The following THSD4 variants were observed in gnomAD, a reference collection of about 807,000 sequenced individuals.
THSD4 encodes the protein thrombospondin type-1 domain-containing protein 4.
Under a neutral mutation model 119.0 loss-of-function variants are expected in THSD4, and 69 were observed. The observed-to-expected ratio is 0.58, with a 90% CI of 0.48 to 0.71. THSD4 has a LOEUF of 0.71. Among genes scored for constraint, THSD4 ranks in the 30% least tolerant of loss-of-function variants. The probability of loss-of-function intolerance (pLI) is 0.00; values close to 1 mark genes in which losing one functional copy is unlikely to be tolerated. For missense variants in THSD4, 1,393 were observed against 1,391.1 expected (o/e 1.00, Z -0.02); for synonymous variants, 524 against 540.4 (o/e 0.97, Z 0.42).
At chr15:71,762,925 G>A (rs931206911) in intron 15 of THSD4, among the ~76,000 whole-genome samples, 3 of 152,072 alleles carry the variant, frequency 2.0e-5, no homozygotes, top group Non-Finnish European at 4.4e-5. Flanking sequence ...ACAAAAATTA[G>A]CCAAGCATAG....
At chr15:71,310,800 A>AAG (rs1304569211) in intron 6 of THSD4, among the ~76,000 whole-genome samples, 3 of 152,150 alleles carry the variant, frequency 2.0e-5, no homozygotes, top group African/African-American at 7.2e-5. Flanking sequence ...CACCTGGGAG[A>AAG]AGAGGGATTC....
intron 7 of THSD4, among the ~76,000 whole-genome samples, chr15:71,458,095 A>G (rs550419545): frequency 3.9e-5 from 6 of 152,356 alleles, no homozygotes; most frequent in Admixed American, 1.3e-4. Context: ...ATCTATATGC[A>G]TTGCATATTT....
chr15:71,212,339 A>C (rs185363079), intron 3 of THSD4, among the ~76,000 whole-genome samples: 3 of 152,198 alleles, frequency 2.0e-5, no homozygotes, highest in Non-Finnish European at 4.4e-5. Context: ...ATTATTATGA[A>C]TAGAATAGGA....
At chr15:71,411,937 C>T in intron 7 of THSD4, 114 bp downstream of exon 7, 1 of 1,395,466 alleles carries the variant, frequency 7.2e-7, no homozygotes, top group South Asian at 1.3e-5. Context: ...ACGTCAGGGC[C>T]ACTCAACCAT....
At chr15:71,570,858 A>G (rs2049338420) in intron 7 of THSD4, among the ~76,000 whole-genome samples, 1 of 152,128 alleles carries the variant, frequency 6.6e-6, no homozygotes, top group Admixed American at 6.5e-5. Context: ...CAGCCTGTTC[A>G]TCTCTGGGTG....
At chr15:71,263,085 ATTAG>A (rs896007660) in intron 6 of THSD4, among the ~76,000 whole-genome samples, 54 of 151,990 alleles carry the variant, frequency 3.6e-4, no homozygotes, top group African/African-American at 1.1e-3. Flanking sequence ...TTAGTAATCC[ATTAG>A]TTATTTTTCC....
At chr15:71,561,919 CAA>C (rs746183019) in intron 7 of THSD4, among the ~76,000 whole-genome samples, 75 of 30,790 alleles carry the variant, frequency 2.4e-3, no homozygotes, top group African/African-American at 9.8e-3. Flanking sequence ...CACACACACA[CAA>C]ACACTCACTC....
intron 7 of THSD4, among the ~76,000 whole-genome samples, chr15:71,563,328 C>T (rs1040740483): frequency 4.6e-5 from 7 of 152,156 alleles, no homozygotes; most frequent in South Asian, 2.1e-4. Flanking sequence ...ATAGTAAAGA[C>T]TCTGTTAGTA....
intron 3 of THSD4, among the ~76,000 whole-genome samples, chr15:71,164,132 C>T (rs570004986): frequency 4.1e-4 from 61 of 150,398 alleles, no homozygotes; most frequent in African/African-American, 1.5e-3. Context: ...AAAACTATCT[C>T]AACTTAACTT....
chr15:71,446,804 T>A (rs2047188312), intron 7 of THSD4, among the ~76,000 whole-genome samples: 1 of 152,180 alleles, frequency 6.6e-6, no homozygotes, highest in Non-Finnish European at 1.5e-5. Flanking sequence ...GATCTGAGCA[T>A]CTCGGGAAGA....
intron 9 of THSD4, chr15:71,730,690 G>C (rs1450974994): frequency 6.4e-6 from 1 of 156,144 alleles, no homozygotes; most frequent in African/African-American, 2.4e-5. Context: ...AGCATCCCGG[G>C]GTGGCTCTGT....
intron 7 of THSD4, among the ~76,000 whole-genome samples, chr15:71,465,090 C>T (rs2047481780): frequency 1.3e-5 from 2 of 152,134 alleles, no homozygotes; most frequent in Non-Finnish European, 2.9e-5. Context: ...CCTCCCCATG[C>T]TTGCCCTTAA....
chr15:71,454,743 A>G (rs1297445399), intron 7 of THSD4, among the ~76,000 whole-genome samples: 1 of 152,232 alleles, frequency 6.6e-6, no homozygotes, highest in African/African-American at 2.4e-5. Context: ...TTGGCAGGCT[A>G]GTTTCCCTCC....
At chr15:71,199,865 GTGTGTGTGTGTGTGGTGCATGTGTGGTA>G (rs1567155050) in intron 3 of THSD4, among the ~76,000 whole-genome samples, 4 of 119,578 alleles carry the variant, frequency 3.3e-5, no homozygotes, top group South Asian at 6.3e-4. Context: ...CATGTGTGGG[GTGTGTGTGTGTGTGGTGCATGTGTGGTA>G]TGTGTGTGTG....
At chr15:71,286,405 T>C (rs946753041) in intron 6 of THSD4, among the ~76,000 whole-genome samples, 3 of 152,192 alleles carry the variant, frequency 2.0e-5, no homozygotes, top group African/African-American at 7.2e-5. Context: ...AGTGAGAACA[T>C]GCAGTATTTG....
At chr15:71,406,735 A>G (rs938829306) in intron 6 of THSD4, among the ~76,000 whole-genome samples, 9 of 148,868 alleles carry the variant, frequency 6.0e-5, no homozygotes, top group Admixed American at 2.7e-4. Flanking sequence ...GCTGGAGTGC[A>G]GTGGCATGAT....
At chr15:71,330,385 C>G (rs1436001867) in intron 6 of THSD4, among the ~76,000 whole-genome samples, 1 of 152,142 alleles carries the variant, frequency 6.6e-6, no homozygotes, top group African/African-American at 2.4e-5. Flanking sequence ...ACGCAGCACA[C>G]GGTAGGTATT....
intron 7 of THSD4, among the ~76,000 whole-genome samples, chr15:71,495,683 T>C (rs187154505): frequency 1.2e-4 from 19 of 152,300 alleles, no homozygotes; most frequent in Admixed American, 3.3e-4. Context: ...CTTTGTAACA[T>C]AGAAGAATTT....
chr15:71,336,820 TACAAACCTG>T (rs1596345984), intron 6 of THSD4, among the ~76,000 whole-genome samples: 1 of 152,248 alleles, frequency 6.6e-6, no homozygotes, highest in Non-Finnish European at 1.5e-5. Flanking sequence ...AAGAATGACA[TACAAACCTG>T]TCAAACCTGT....
Sources: gnomAD v4.1 joint callset for allele counts (sites outside exome capture counted in the v4.1 genomes callset) on GRCh38, gnomAD v4.1.1 for gene constraint, MANE v1.5 for transcripts, NCBI Gene and HGNC (gene_info 2026-07-23, HGNC 2026-07-21) for gene names.